Variants in DNAH9 observed in about 807,000 individuals in gnomAD.
DNAH9 encodes the protein dynein axonemal heavy chain 9.
Under a neutral mutation model 471.6 loss-of-function variants are expected in DNAH9, and 345 were observed. That is an observed-to-expected ratio of 0.73 (90% CI 0.67 to 0.80). The LOEUF (loss-of-function observed/expected upper bound fraction) is 0.80. Ranked by LOEUF, DNAH9 falls within the 30% of genes least tolerant of loss-of-function variation. The probability of loss-of-function intolerance (pLI) is 0.00; values close to 1 mark genes in which losing one functional copy is unlikely to be tolerated. For missense variants in DNAH9, 5,407 were observed against 5,609.2 expected (o/e 0.96, Z 1.15); for synonymous variants, 2,093 against 2,123.6 (o/e 0.99, Z 0.40).
intron 14 of DNAH9, among the ~76,000 whole-genome samples, chr17:11,663,701 G>A (rs1240221532): frequency 6.6e-6 from 1 of 152,176 alleles, no homozygotes; most frequent in Non-Finnish European, 1.5e-5. Context: ...GAAAGATATA[G>A]ATATTATATT....
chr17:11,926,393 TG>T (rs1313693084), intron 62 of DNAH9, among the ~76,000 whole-genome samples: 1 of 152,196 alleles, frequency 6.6e-6, no homozygotes, highest in Non-Finnish European at 1.5e-5. Context: ...CTGTTCTTCC[TG>T]ATGCTCTCCC....
chr17:11,957,814 T>C (rs959966762), intron 67 of DNAH9, among the ~76,000 whole-genome samples: 4 of 152,204 alleles, frequency 2.6e-5, no homozygotes, highest in African/African-American at 9.6e-5. Flanking sequence ...GGTTGTGATA[T>C]TGTACTATAG....
At chr17:11,821,178 C>G (rs1306360415) in intron 45 of DNAH9, among the ~76,000 whole-genome samples, 1 of 151,364 alleles carries the variant, frequency 6.6e-6, no homozygotes, top group Non-Finnish European at 1.5e-5. Context: ...CCCAGCTACT[C>G]AGGAGGCTGA....
In DNAH9 at chr17:11,891,840, C is replaced by T. The variant is rs3760436; in HGVS notation, c.11176C>T (p.Arg3726Trp). 2.1e-4 allele frequency: 341 copies of T among 1,614,066 alleles called. 1 individual carries two copies. The East Asian group carries it at 6.3e-3, about 30-fold the overall frequency. ...TGCTCCTGACGAAAGCCTCAGGGAG[C>T]GGGTGGCCAACCTAATAGACAGCAT... is the stretch of plus-strand genomic sequence containing the variant. Reference protein sequence around the residue: ...RAAPDESLRERVANLIDSITF... With the variant: ...RAAPDESLREWVANLIDSITF... Residue 3726 changes from arginine to tryptophan, a missense_variant, in exon 58 of 69, where the codon CGG becomes TGG. Coordinates refer to ENST00000262442, the MANE Select transcript of DNAH9 (RefSeq NM_001372.4).
In DNAH9 at chr17:11,937,674, C is replaced by G; in HGVS notation, c.12660+152C>G. On this transcript the variant is annotated intron_variant, in intron 66 of 68. Transcript: ENST00000262442. This position sits in a 1 kb window ranked among gnomAD's most constrained non-coding sequence, Gnocchi z 4.1. ...CAGCCTGGAGATGCTTGCCTGTCAC[C>G]GCCAAGAGCCTCTCCCCTCCCGTCA... 1 of 760,706 alleles carries G rather than the reference C, an allele frequency of 1.3e-6. No homozygotes were observed. Among genetic ancestry groups the G allele is most frequent in the Middle Eastern group, 4.3e-4 (1 of 2,326 alleles). 47.1% of individuals were successfully genotyped at this position (760,706 alleles called of 1,614,324 possible).
rs1370016036 is a variant in DNAH9, at chr17:11,608,271, C to T, written c.560C>T (p.Pro187Leu). The change falls in exon 2 of 69, where the codon CCT becomes CTT. Residue 187 changes from proline (P) to leucine (L), a missense_variant. Pro to Leu is a moderately conservative substitution (Grantham distance 98). Transcript: ENST00000262442. ...LEQVKGKTLL[P>L]LPAGSEKMEF... ...CAAGTGAAGGGAAAAACTTTGCTGC[C>T]TCTTCCAGCAGGCTCAGAAAAAATG... 1.9e-6 allele frequency: 3 copies of T among 1,613,718 alleles called. No homozygotes were observed. Among genetic ancestry groups the T allele is most frequent in the Non-Finnish European group, 2.5e-6 (3 of 1,179,852 alleles).
At chr17:11,890,528 C>A (rs550651835) in intron 57 of DNAH9, among the ~76,000 whole-genome samples, 1 of 152,214 alleles carries the variant, frequency 6.6e-6, no homozygotes, top group Admixed American at 6.5e-5. Context: ...AGTTCAAATA[C>A]TTGGTGGTGT....
chr17:11,887,407 C>A (rs1354757189), intron 57 of DNAH9, among the ~76,000 whole-genome samples: 1 of 152,142 alleles, frequency 6.6e-6, no homozygotes, highest in African/African-American at 2.4e-5. Flanking sequence ...TTTCTTATGA[C>A]CCTAATATCC....
rs1235939949 is a variant in DNAH9 at position 11,861,673 on chromosome 17, T to C, written c.9933+7245T>C. 1.5e-3 allele frequency among the ~76,000 whole-genome samples: 229 copies of C among 151,562 alleles called. 2 individuals are homozygous for C. Among genetic ancestry groups the C allele is most frequent in the African/African-American group, 5.0e-3 (208 of 41,222 alleles). ...AAAAGTGTTCCTATTTCTCCACATC[T>C]TCTCCAGCACCTGTTGTTTCCTGAC... On this transcript the variant is annotated intron_variant, in intron 50 of 68. Coordinates refer to ENST00000262442, the MANE Select transcript of DNAH9 (RefSeq NM_001372.4).
intron 28 of DNAH9, among the ~76,000 whole-genome samples, chr17:11,735,898 G>A (rs1345622977): frequency 2.0e-5 from 3 of 152,206 alleles, no homozygotes; most frequent in African/African-American, 7.2e-5. Context: ...AGAGCCTTTG[G>A]GGGAAGTAGC....
At chr17:11,750,617 G>A (rs1053298169) in intron 32 of DNAH9, among the ~76,000 whole-genome samples, 4 of 152,026 alleles carry the variant, frequency 2.6e-5, no homozygotes, top group African/African-American at 9.7e-5. Flanking sequence ...GAAACAAATA[G>A]CAAGAAAGTC....
chr17:11,604,937 C>T (rs1045612605), intron 1 of DNAH9, among the ~76,000 whole-genome samples: 6 of 152,118 alleles, frequency 3.9e-5, no homozygotes, highest in African/African-American at 1.2e-4. Context: ...CAGCCTATGG[C>T]ACTCCTTTGC....
chr17:11,732,023 C>G (rs2075278661), intron 28 of DNAH9, among the ~76,000 whole-genome samples: 1 of 152,194 alleles, frequency 6.6e-6, no homozygotes, highest in Non-Finnish European at 1.5e-5. Flanking sequence ...CAGGTCTTCT[C>G]TATGCCCTTC....
At chr17:11,957,669 CAA>C (rs999276586) in intron 67 of DNAH9, among the ~76,000 whole-genome samples, 10 of 151,800 alleles carry the variant, frequency 6.6e-5, no homozygotes, top group African/African-American at 2.4e-4. Flanking sequence ...GATGAACCAG[CAA>C]AGAGACAGCC....
intron 13 of DNAH9, among the ~76,000 whole-genome samples, chr17:11,651,688 T>C (rs1210918188): frequency 1.3e-5 from 2 of 152,218 alleles, no homozygotes; most frequent in African/African-American, 4.8e-5. Flanking sequence ...TAAAGCAGTA[T>C]GCATTGACTT....
At chr17:11,607,797 C>T (rs932312516) in intron 1 of DNAH9, among the ~76,000 whole-genome samples, 1 of 151,956 alleles carries the variant, frequency 6.6e-6, no homozygotes. Context: ...CTCGAACTCC[C>T]GACCTCAGGT....
chr17:11,823,093 T>C (rs1597698043), intron 48 of DNAH9, 59 bp downstream of exon 48: 3 of 1,451,358 alleles, frequency 2.1e-6, no homozygotes, highest in East Asian at 4.8e-5. Context: ...GAAGCAGCCC[T>C]TTCCAGTGAA....
chr17:11,829,065 C>T (rs183041236), intron 48 of DNAH9, among the ~76,000 whole-genome samples: 14 of 152,212 alleles, frequency 9.2e-5, no homozygotes, highest in Admixed American at 3.3e-4. Context: ...GGGTAATTCT[C>T]GGCAATACTG....
chr17:11,926,416 T>C (rs527862556), intron 62 of DNAH9, among the ~76,000 whole-genome samples: 14 of 152,226 alleles, frequency 9.2e-5, no homozygotes, highest in Non-Finnish European at 5.9e-5. Context: ...CTCCCCCTAT[T>C]CCACAACAGG....
Sources: allele counts gnomAD v4.1 joint callset (sites outside exome capture counted in the v4.1 genomes callset), GRCh38; gene constraint gnomAD v4.1.1; non-coding constraint Gnocchi (gnomAD v3.1); transcripts MANE v1.5; gene names NCBI Gene and HGNC (gene_info 2026-07-23, HGNC 2026-07-21).